Variants in TMC1 observed in about 807,000 individuals in gnomAD.
TMC1 encodes transmembrane channel-like protein 1.
A neutral mutation model predicts 105.8 loss-of-function variants in TMC1; 84 were observed. The ratio of observed to expected loss-of-function variants is 0.79; its 90% CI spans 0.67 to 0.95. TMC1 has a LOEUF of 0.95. TMC1 is among the 40% of genes least tolerant of loss of function. The pLI is 0.00. For missense variants in TMC1, 817 were observed against 914.1 expected, an observed-to-expected ratio of 0.89 and a Z score of 1.37; for synonymous variants, 315 against 311.5, an observed-to-expected ratio of 1.01 and a Z score of -0.12.
intron 4 of TMC1, among the ~76,000 whole-genome samples, chr9:72,638,098 T>C (rs1825564660): frequency 6.6e-6 from 1 of 151,986 alleles, no homozygotes; most frequent in Non-Finnish European, 1.5e-5. Flanking sequence ...CCAGATCTGC[T>C]CAAAGACAAC....
intron 1 of TMC1, among the ~76,000 whole-genome samples, chr9:72,565,251 G>C (rs964695584): frequency 6.6e-6 from 1 of 151,980 alleles, no homozygotes; most frequent in Non-Finnish European, 1.5e-5. Flanking sequence ...CCTTACCCTC[G>C]GCAGAAACAG....
chr9:72,807,218 G>T (rs948151921), intron 18 of TMC1, among the ~76,000 whole-genome samples: 4 of 152,200 alleles, frequency 2.6e-5, no homozygotes, highest in Admixed American at 1.3e-4. Flanking sequence ...GTCCAGCTTC[G>T]GCTCAGCATG....
At chr9:72,679,186 T>C (rs1826251465) in intron 5 of TMC1, among the ~76,000 whole-genome samples, 1 of 152,104 alleles carries the variant, frequency 6.6e-6, no homozygotes, top group African/African-American at 2.4e-5. Flanking sequence ...TACACCGATC[T>C]TTTTATTGGG....
At position 72,703,144 on chromosome 9, in the gene TMC1, G is replaced by A. The variant is rs140847522; in HGVS notation, c.362+2501G>A. 3.4e-3 allele frequency among the ~76,000 whole-genome samples: 502 copies of A among 146,804 alleles called. 3 individuals carry two copies. Among genetic ancestry groups the A allele is most frequent in the African/African-American group, 0.012 (466 of 39,642 alleles). On this transcript the variant is annotated intron_variant, in intron 8 of 23. Coordinates refer to ENST00000297784, the MANE Select transcript of TMC1 (RefSeq NM_138691.3). Reference sequence around the variant, plus strand: ...AAATTTAAATTACTTTTTTTTTCTCGAGACAGGGTCTTAACTCTGTTGCCC... The same window carrying A: ...AAATTTAAATTACTTTTTTTTTCTCAAGACAGGGTCTTAACTCTGTTGCCC...
chr9:72,821,906 C>T (rs976690257), intron 20 of TMC1, among the ~76,000 whole-genome samples: 6 of 152,170 alleles, frequency 3.9e-5, no homozygotes, highest in African/African-American at 1.2e-4. Context: ...AGGAGGGCCA[C>T]CCAATTTGTT....
rs534265265 is a variant in TMC1 at position 72,733,858 on chromosome 9, G to C, written c.363-6261G>C. 1.8e-4 allele frequency among the ~76,000 whole-genome samples: 27 copies of C among 150,710 alleles called. No homozygotes were observed. In the South Asian group the frequency reaches 5.4e-3, roughly 30 times the overall value. Reference sequence around the variant, plus strand: ...AACCTCAGCATACTTTTTTTTTTCTGCCCTCATTAGGTTGAGAACTTTCCC... The same window carrying C: ...AACCTCAGCATACTTTTTTTTTTCTCCCCTCATTAGGTTGAGAACTTTCCC... On this transcript the variant is annotated intron_variant, in intron 8 of 23. Transcript: ENST00000297784.
intron 1 of TMC1, among the ~76,000 whole-genome samples, chr9:72,562,128 A>G (rs1824064898): frequency 6.6e-6 from 1 of 152,210 alleles, no homozygotes; most frequent in Non-Finnish European, 1.5e-5. Context: ...CGTAGTTACC[A>G]TTCTGTCCAC....
intron 18 of TMC1, among the ~76,000 whole-genome samples, chr9:72,813,350 G>T (rs1828734553): frequency 6.6e-6 from 1 of 151,962 alleles, no homozygotes; most frequent in Admixed American, 6.6e-5. Flanking sequence ...TAGTTTTTCT[G>T]CCTTCTCTTT....
In TMC1 at chr9:72,544,200, C is replaced by T. The variant is rs966483013; in HGVS notation, c.-428+22287C>T. On this transcript the variant is annotated intron_variant, in intron 1 of 23. Transcript: ENST00000297784. Reference sequence around the variant, plus strand: ...AGCTGAGCTTGTGATCCACCCGCCTCGGCCTCCCAAAGTGCTGGGATTACA... The same window carrying T: ...AGCTGAGCTTGTGATCCACCCGCCTTGGCCTCCCAAAGTGCTGGGATTACA... 2.5e-4 allele frequency among the ~76,000 whole-genome samples: 38 copies of T among 152,080 alleles called. No homozygotes were observed. The Middle Eastern group carries it at 0.01, about 41-fold the overall frequency.
intron 8 of TMC1, among the ~76,000 whole-genome samples, chr9:72,737,671 T>C (rs1483968750): frequency 6.6e-6 from 1 of 152,178 alleles, no homozygotes; most frequent in Non-Finnish European, 1.5e-5. Flanking sequence ...TTCACCATTT[T>C]AGAAAGTGCC....
intron 18 of TMC1, among the ~76,000 whole-genome samples, chr9:72,806,505 G>C (rs1028351000): frequency 6.7e-6 from 1 of 149,764 alleles, no homozygotes; most frequent in Non-Finnish European, 1.5e-5. Flanking sequence ...TTTCTCAGAC[G>C]GGGCGGCTGC....
At chr9:72,791,244 T>C (rs1476284877) in intron 15 of TMC1, among the ~76,000 whole-genome samples, 2 of 152,128 alleles carry the variant, frequency 1.3e-5, no homozygotes, top group Admixed American at 6.5e-5. Flanking sequence ...TCTGAAATTA[T>C]AGCCCATTCT....
intron 1 of TMC1, among the ~76,000 whole-genome samples, chr9:72,575,399 T>G (rs1396498755): frequency 6.6e-6 from 1 of 152,162 alleles, no homozygotes; most frequent in African/African-American, 2.4e-5. Flanking sequence ...CAGGCTGGTC[T>G]TGAACTCCTG....
intron 2 of TMC1, among the ~76,000 whole-genome samples, chr9:72,606,302 T>C (rs115731990): frequency 6.6e-6 from 1 of 151,990 alleles, no homozygotes; most frequent in Non-Finnish European, 1.5e-5. Flanking sequence ...CCCAAAAGCA[T>C]GGAATGGGGG....
intron 1 of TMC1, among the ~76,000 whole-genome samples, chr9:72,553,405 A>G (rs1823887513): frequency 6.6e-6 from 1 of 152,240 alleles, no homozygotes. Flanking sequence ...AACTGAATGT[A>G]AAGTTAAATA....
At chr9:72,651,587 A>G (rs1825815393) in intron 5 of TMC1, 1 of 151,998 alleles carries the variant, frequency 6.6e-6, no homozygotes, top group South Asian at 2.1e-4. Flanking sequence ...GATGTGCATG[A>G]TGTCTCTGTC....
At chr9:72,525,038 A>T (rs1393234909) in intron 1 of TMC1, among the ~76,000 whole-genome samples, 1 of 152,256 alleles carries the variant, frequency 6.6e-6, no homozygotes, top group Non-Finnish European at 1.5e-5. Context: ...GATACGGTCC[A>T]GAAGGCCGGC....
chr9:72,722,818 C>G (rs954092074), intron 8 of TMC1, among the ~76,000 whole-genome samples: 1 of 152,122 alleles, frequency 6.6e-6, no homozygotes, highest in Non-Finnish European at 1.5e-5. Context: ...ATAGTGCTTG[C>G]CAATTTCCGT....
intron 10 of TMC1, among the ~76,000 whole-genome samples, chr9:72,750,555 C>G (rs1487136869): frequency 6.6e-6 from 1 of 151,028 alleles, no homozygotes; most frequent in African/African-American, 2.5e-5. Context: ...TTTTTTTTCT[C>G]TCTCTCCCAA....
Sources: allele counts gnomAD v4.1 joint callset (sites outside exome capture counted in the v4.1 genomes callset), GRCh38; gene constraint gnomAD v4.1.1; transcripts MANE v1.5; gene names NCBI Gene and HGNC (gene_info 2026-07-23, HGNC 2026-07-21).